UNC5D: variants seen among roughly 807,000 people sequenced by gnomAD.
UNC5D encodes netrin receptor UNC5D.
A neutral mutation model predicts 105.4 loss-of-function variants in UNC5D; 39 were observed. That is an observed-to-expected ratio of 0.37 (90% CI 0.29 to 0.48). The LOEUF (loss-of-function observed/expected upper bound fraction) is 0.48. Ranked by LOEUF, UNC5D falls within the 20% of genes least tolerant of loss-of-function variation. The probability of loss-of-function intolerance (pLI) is 0.98; values close to 1 mark genes in which losing one functional copy is unlikely to be tolerated. For missense variants in UNC5D, 991 were observed against 1,202.4 expected (o/e 0.82, Z 2.60); for synonymous variants, 452 against 450.4 (o/e 1.00, Z -0.04).
chr8:35,430,146 A>C (rs1806527413), intron 1 of UNC5D, among the ~76,000 whole-genome samples: 1 of 152,032 alleles, frequency 6.6e-6, no homozygotes, highest in Non-Finnish European at 1.5e-5. Flanking sequence ...GAGGATTGGG[A>C]CTTTCAGCCT....
At chr8:35,551,988 A>G (rs781031349) in intron 2 of UNC5D, among the ~76,000 whole-genome samples, 29 of 152,202 alleles carry the variant, frequency 1.9e-4, no homozygotes, top group Non-Finnish European at 3.5e-4. Context: ...AAGACTGCTA[A>G]TCATTACACA....
intron 9 of UNC5D, among the ~76,000 whole-genome samples, chr8:35,723,269 G>GA (rs748736128): frequency 3.4e-4 from 52 of 152,258 alleles, no homozygotes; most frequent in Middle Eastern, 6.8e-3. Flanking sequence ...AGGCATGCTG[G>GA]AAAAAATTGA....
At chr8:35,599,030 C>T (rs1401579912) in intron 4 of UNC5D, among the ~76,000 whole-genome samples, 1 of 150,496 alleles carries the variant, frequency 6.6e-6, no homozygotes, top group African/African-American at 2.4e-5. Flanking sequence ...GTAGTCCCAG[C>T]TACTTGGGAG....
At chr8:35,633,854 A>G (rs752063467) in intron 4 of UNC5D, among the ~76,000 whole-genome samples, 4 of 152,306 alleles carry the variant, frequency 2.6e-5, no homozygotes, top group African/African-American at 7.2e-5. Flanking sequence ...ATGTGGTATC[A>G]CAGAGCCTGA....
At chr8:35,483,366 T>C (rs959691419) in intron 1 of UNC5D, among the ~76,000 whole-genome samples, 2 of 152,202 alleles carry the variant, frequency 1.3e-5, no homozygotes, top group African/African-American at 4.8e-5. Context: ...CATATCTAAC[T>C]TGCCATAAAT....
At chr8:35,683,934 C>G (rs1211352315) in intron 5 of UNC5D, among the ~76,000 whole-genome samples, 1 of 152,132 alleles carries the variant, frequency 6.6e-6, no homozygotes, top group East Asian at 1.9e-4. Context: ...TATTGCACTT[C>G]CATGTGATAG....
chr8:35,786,409 C>T (rs1020342013), intron 16 of UNC5D, among the ~76,000 whole-genome samples: 5 of 152,094 alleles, frequency 3.3e-5, no homozygotes, highest in Non-Finnish European at 7.4e-5. Context: ...GCCGTGGGTG[C>T]CTATTCCACA....
At chr8:35,765,158 G>T (rs1357009135) in intron 14 of UNC5D, among the ~76,000 whole-genome samples, 1 of 152,144 alleles carries the variant, frequency 6.6e-6, no homozygotes, top group Non-Finnish European at 1.5e-5. Context: ...ATCTTAGGGG[G>T]GCAGTGATGG....
chr8:35,305,562 C>CCTTT (rs200314884), intron 1 of UNC5D, among the ~76,000 whole-genome samples: 1 of 63,234 alleles, frequency 1.6e-5, no homozygotes, highest in Non-Finnish European at 3.1e-5. Context: ...TCTCTTCCTT[C>CCTTT]CTTTCTTTCT....
intron 1 of UNC5D, among the ~76,000 whole-genome samples, chr8:35,259,254 G>T (rs1804281687): frequency 6.6e-6 from 1 of 152,166 alleles, no homozygotes; most frequent in Admixed American, 6.5e-5. Flanking sequence ...ACACACCAAG[G>T]AAGAATCTTC....
At chr8:35,243,840 A>G (rs984674957) in intron 1 of UNC5D, among the ~76,000 whole-genome samples, 36 of 152,164 alleles carry the variant, frequency 2.4e-4, no homozygotes, top group African/African-American at 8.4e-4. Flanking sequence ...CACATGTTGA[A>G]TAATGTGTGT....
At chr8:35,482,430 C>T (rs1315922708) in intron 1 of UNC5D, among the ~76,000 whole-genome samples, 4 of 152,156 alleles carry the variant, frequency 2.6e-5, no homozygotes, top group Admixed American at 2.0e-4. Flanking sequence ...TTCTAACTCT[C>T]CTCCTTCCTC....
Position 35,502,284 on chromosome 8 carries a change from C to T in UNC5D, c.104-47008C>T, listed in dbSNP as rs953005070. 3.9e-5 allele frequency among the ~76,000 whole-genome samples: 6 copies of T among 152,206 alleles called. No homozygotes were observed. The South Asian group carries it at 6.2e-4, about 16-fold the overall frequency. On this transcript the variant is annotated intron_variant, in intron 1 of 16. Transcript: ENST00000404895. The stretch of plus-strand genomic sequence containing the variant: ...ACTTAGAGATGAGGGATGCCTATAA[C>T]GTTTATCCTTCTTATAAGCCAAAGC...
At chr8:35,476,603 G>C (rs780934080) in intron 1 of UNC5D, among the ~76,000 whole-genome samples, 1 of 152,064 alleles carries the variant, frequency 6.6e-6, no homozygotes, top group Non-Finnish European at 1.5e-5. Context: ...TCTCACCACT[G>C]CCAATGACAA....
chr8:35,619,153 G>C (rs144548104), intron 4 of UNC5D, among the ~76,000 whole-genome samples: 1 of 152,340 alleles, frequency 6.6e-6, no homozygotes, highest in Non-Finnish European at 1.5e-5. Context: ...ATCTAAAGTA[G>C]AGTGTGTTAC....
intron 10 of UNC5D, among the ~76,000 whole-genome samples, chr8:35,730,738 A>G (rs927726835): frequency 6.6e-6 from 1 of 152,014 alleles, no homozygotes; most frequent in Non-Finnish European, 1.5e-5. Flanking sequence ...AGAACACTCA[A>G]TCTTTTAAAA....
intron 4 of UNC5D, among the ~76,000 whole-genome samples, chr8:35,606,760 A>AG (rs1254628284): frequency 6.6e-6 from 1 of 152,238 alleles, no homozygotes; most frequent in African/African-American, 2.4e-5. Context: ...AAAAGCAAAA[A>AG]TACATTTTGT....
At chr8:35,571,879 G>A (rs1563547431) in intron 3 of UNC5D, among the ~76,000 whole-genome samples, 1 of 152,276 alleles carries the variant, frequency 6.6e-6, no homozygotes, top group East Asian at 1.9e-4. Context: ...TCTTGAGGGG[G>A]CTTTGCAAAA....
chr8:35,739,535 A>G (rs1829654040), intron 11 of UNC5D, among the ~76,000 whole-genome samples: 1 of 152,228 alleles, frequency 6.6e-6, no homozygotes, highest in South Asian at 2.1e-4. Flanking sequence ...TGAAATGATT[A>G]GAGTGGCCCA....
Sources: gnomAD v4.1 joint callset for allele counts (sites outside exome capture counted in the v4.1 genomes callset) on GRCh38, gnomAD v4.1.1 for gene constraint, MANE v1.5 for transcripts, NCBI Gene and HGNC (gene_info 2026-07-23, HGNC 2026-07-21) for gene names.